FREM1: variants seen among roughly 807,000 people sequenced by gnomAD.
FREM1 encodes FRAS1 related extracellular matrix 1, also known as FRAS1-related extracellular matrix protein 1.
A neutral mutation model predicts 210.1 loss-of-function variants in FREM1; 220 were observed. The observed-to-expected ratio is 1.05, with a 90% CI of 0.94 to 1.17. FREM1 has a LOEUF of 1.17. Among genes scored for constraint, FREM1 ranks in the 50% most tolerant of loss-of-function variants. The probability of loss-of-function intolerance (pLI) is 0.00; values close to 1 mark genes in which losing one functional copy is unlikely to be tolerated. For synonymous variants in FREM1, 1,189 were observed against 980.2 expected (o/e 1.21, Z -3.98); for missense variants, 3,454 against 2,675.5 (o/e 1.29, Z -6.42).
rs1420458990 is a variant in FREM1 at position 14,747,024 on chromosome 9, A to T, written c.6037T>A (p.Cys2013Ser). The T allele has an allele frequency of 5.0e-5, 80 of 1,613,058 alleles. No homozygotes were observed. The highest frequency in any genetic ancestry group is 6.7e-5 in the Non-Finnish European group (79 of 1,179,550). The change falls in exon 34 of 37, where the codon TGC becomes AGC. Residue 2013 changes from cysteine (C) to serine (S), a missense_variant. Transcript: ENST00000380880. Reference sequence around the variant, plus strand: ...AAGAGTCCCTTTAATTCCAGAGTGCAGTTCTTTGGAAATGAGGGCAACTGG... The same window carrying T: ...AAGAGTCCCTTTAATTCCAGAGTGCTGTTCTTTGGAAATGAGGGCAACTGG... ...QDQLPSFPKN[C>S]TLELKGLFHF... is the part of the protein sequence containing the mutation.
At chr9:14,873,238 G>A (rs2131952076) in intron 1 of FREM1, among the ~76,000 whole-genome samples, 1 of 152,254 alleles carries the variant, frequency 6.6e-6, no homozygotes, top group East Asian at 1.9e-4. Flanking sequence ...AGTTTCAGAA[G>A]GAATGGTACC....
chr9:14,837,071 C>A (rs2070157859), intron 10 of FREM1, among the ~76,000 whole-genome samples: 1 of 152,188 alleles, frequency 6.6e-6, no homozygotes, highest in African/African-American at 2.4e-5. Flanking sequence ...CATGGCGATT[C>A]CCTTGGCCTT....
chr9:14,809,496 T>G (rs567092027), intron 16 of FREM1, among the ~76,000 whole-genome samples: 1 of 152,258 alleles, frequency 6.6e-6, no homozygotes, highest in African/African-American at 2.4e-5. Context: ...GAGATTATAT[T>G]ATTGAGCAAC....
At chr9:14,864,735 ATGTCCACCATTG>A (rs1465317762) in intron 2 of FREM1, among the ~76,000 whole-genome samples, 1 of 152,182 alleles carries the variant, frequency 6.6e-6, no homozygotes, top group Admixed American at 6.5e-5. Flanking sequence ...GTATGCACGC[ATGTCCACCATTG>A]TGTTCGTGGT....
Position 14,805,086 on chromosome 9 carries a change from A to G in FREM1, c.3341T>C (p.Ile1114Thr), listed in dbSNP as rs1818112074. 10 of 1,613,354 alleles carry G rather than the reference A, an allele frequency of 6.2e-6. No individual in the cohort carries two copies. Among genetic ancestry groups the G allele is most frequent in the South Asian group, 1.1e-5 (1 of 90,984 alleles). ...CGTGAACTGGTCGGCAGTTGGTTCTATCCTCAGATGCCTGGACTGCACATA... is the reference window on the plus strand; with the variant it reads ...CGTGAACTGGTCGGCAGTTGGTTCTGTCCTCAGATGCCTGGACTGCACATA... ...INYVQSRHLR[I>T]EPTADQFTVY... The change falls in exon 19 of 37, where the codon ATA becomes ACA. Residue 1114 changes from isoleucine (I) to threonine (T), a missense_variant. Coordinates refer to ENST00000380880, the MANE Select transcript of FREM1 (RefSeq NM_001379081.2).
chr9:14,844,316 C>T (rs1390844916), intron 8 of FREM1, among the ~76,000 whole-genome samples: 1 of 151,932 alleles, frequency 6.6e-6, no homozygotes, highest in African/African-American at 2.4e-5. Flanking sequence ...ACCTCCACCT[C>T]CCGGGTTCAA....
At chr9:14,907,080 T>G (rs927184684) in intron 1 of FREM1, among the ~76,000 whole-genome samples, 1 of 152,222 alleles carries the variant, frequency 6.6e-6, no homozygotes, top group Non-Finnish European at 1.5e-5. Flanking sequence ...TATTTTTGGC[T>G]TCTGTAAAAA....
intron 16 of FREM1, 30 bp from the exon 17 acceptor site, chr9:14,808,164 C>G (rs1199518327): frequency 6.9e-7 from 1 of 1,454,088 alleles, no homozygotes; most frequent in Non-Finnish European, 9.2e-7. Flanking sequence ...CTGAAACCTG[C>G]CTTTTAAAAA....
intron 22 of FREM1, 54 bp from the exon 23 acceptor site, chr9:14,789,168 G>A (rs971552240): frequency 2.2e-5 from 27 of 1,202,240 alleles, no homozygotes; most frequent in African/African-American, 1.7e-4. Flanking sequence ...TTCCCCCAAC[G>A]TACGTTAGTG....
At chr9:14,782,383 G>A in intron 24 of FREM1, 2 of 978,530 alleles carry the variant, frequency 2.0e-6, no homozygotes, top group Non-Finnish European at 2.4e-6. Context: ...CTTCATTTCT[G>A]AACATCTTTA....
At chr9:14,774,612 G>C (rs1308127482) in intron 25 of FREM1, among the ~76,000 whole-genome samples, 1 of 151,776 alleles carries the variant, frequency 6.6e-6, no homozygotes, top group East Asian at 1.9e-4. Flanking sequence ...GTATTCTGAA[G>C]TGAGAGATAA....
At chr9:14,860,784 T>TATATACATATATACAC (rs1829893925) in intron 3 of FREM1, among the ~76,000 whole-genome samples, 1 of 92,792 alleles carries the variant, frequency 1.1e-5, no homozygotes, top group Non-Finnish European at 2.0e-5. Context: ...CATATATACA[T>TATATACATATATACAC]ATATACATAT....
At chr9:14,753,860 GT>G (rs1279203672) in intron 29 of FREM1, among the ~76,000 whole-genome samples, 1 of 152,048 alleles carries the variant, frequency 6.6e-6, no homozygotes, top group African/African-American at 2.4e-5. Context: ...ACAGCCAATT[GT>G]TTTTTTCTTA....
intron 29 of FREM1, among the ~76,000 whole-genome samples, chr9:14,750,581 T>C (rs1323659565): frequency 6.6e-6 from 1 of 152,248 alleles, no homozygotes; most frequent in African/African-American, 2.4e-5. Flanking sequence ...TTTCCCAACC[T>C]GTCCCTTCTC....
intron 27 of FREM1, among the ~76,000 whole-genome samples, chr9:14,767,288 A>G (rs866253788): frequency 1.3e-5 from 2 of 152,182 alleles, no homozygotes; most frequent in Non-Finnish European, 2.9e-5. Flanking sequence ...CTATATGAGT[A>G]AGTATTCCTT....
In FREM1 at chr9:14,742,455, G is replaced by C. The variant is rs186018799; in HGVS notation, c.6255-2221C>G. Among the ~76,000 whole-genome samples, 478 of 152,248 alleles carry C rather than the reference G, an allele frequency of 3.1e-3. 12 individuals are homozygous for C. The highest frequency in any genetic ancestry group is 0.029 in the Admixed American group (450 of 15,286). ...TAAATTCAAGAAGTGCATAATCTAGGAGTCTGGCTCCTTTGACTTAGAAAA... is the reference window on the plus strand; with the variant it reads ...TAAATTCAAGAAGTGCATAATCTAGCAGTCTGGCTCCTTTGACTTAGAAAA... On this transcript the variant is annotated intron_variant, in intron 35 of 36. Transcript: ENST00000380880.
At chr9:14,843,514 GGTA>G (rs1826055666) in intron 8 of FREM1, among the ~76,000 whole-genome samples, 2 of 152,272 alleles carry the variant, frequency 1.3e-5, no homozygotes, top group Admixed American at 6.5e-5. Context: ...TAGGTAGGTA[GGTA>G]GGTAGGCAGA....
intron 29 of FREM1, chr9:14,751,826 C>T (rs1843448373): frequency 6.6e-6 from 1 of 151,994 alleles, no homozygotes; most frequent in Non-Finnish European, 1.5e-5. Flanking sequence ...AAAGGTGAAG[C>T]TATCCACTTC....
At chr9:14,822,387 G>A (rs1210246089) in intron 13 of FREM1, among the ~76,000 whole-genome samples, 1 of 152,158 alleles carries the variant, frequency 6.6e-6, no homozygotes, top group Non-Finnish European at 1.5e-5. Context: ...GAACGCCAGT[G>A]CAGGCTATAG....
Sources: allele counts gnomAD v4.1 joint callset (sites outside exome capture counted in the v4.1 genomes callset), GRCh38; gene constraint gnomAD v4.1.1; transcripts MANE v1.5; gene names NCBI Gene and HGNC (gene_info 2026-07-23, HGNC 2026-07-21).